Variants in MRPS22 observed in about 807,000 individuals in gnomAD.
The protein encoded by MRPS22 is small ribosomal subunit protein mS22.
In MRPS22, 30 loss-of-function variants were observed where a neutral mutation model predicts 44.0. The observed-to-expected ratio is 0.68, with a 90% CI of 0.51 to 0.93. MRPS22 has a LOEUF of 0.93. MRPS22 is among the 40% of genes least tolerant of loss of function. The pLI is 0.00. For synonymous variants in MRPS22, 165 were observed against 154.4 expected (o/e 1.07, Z -0.51); for missense variants, 447 against 447.8 (o/e 1.00, Z 0.02).
chr3:139,351,293 C>T (rs1941147163), intron 5 of MRPS22: 3 of 507,410 alleles, frequency 5.9e-6, no homozygotes, highest in South Asian at 2.0e-5. Flanking sequence ...CTGAAAGTTG[C>T]ATAGCTACTA....
At chr3:139,349,739 A>G (rs1292793059) in intron 3 of MRPS22, among the ~76,000 whole-genome samples, 3 of 152,342 alleles carry the variant, frequency 2.0e-5, no homozygotes, top group East Asian at 3.9e-4. Context: ...ATAAAAGTGT[A>G]GAAGTAAGAC....
At chr3:139,345,447 T>TG (rs1238180197) in intron 1 of MRPS22, among the ~76,000 whole-genome samples, 2 of 140,596 alleles carry the variant, frequency 1.4e-5, no homozygotes, top group Non-Finnish European at 3.1e-5. Context: ...TGTTTTTTTT[T>TG]TTGTTTTTTT....
Position 139,350,979 on chromosome 3 carries a change from T to A in MRPS22, c.651T>A (p.Thr217=), listed in dbSNP as rs1177107562. 6.2e-7 allele frequency: 1 copy of A among 1,613,816 alleles called. No homozygotes were observed. The highest frequency in any genetic ancestry group is 8.5e-7 in the Non-Finnish European group (1 of 1,179,696). ...CTAACTCTGCTGTGTGGTTTTAGAC[T>A]ATGTATAGCCAGGACAGGCATGTTG... ...PIIFKEENLR[T]MYSQDRHVDV... The change falls in exon 5 of 8, where the codon ACT becomes ACA. Residue 217 remains threonine (T), a splice_region_variant and synonymous_variant. Coordinates refer to ENST00000680020, the MANE Select transcript of MRPS22 (RefSeq NM_020191.4).
At chr3:139,350,531 G>A in intron 4 of MRPS22, 1 of 548,424 alleles carries the variant, frequency 1.8e-6, no homozygotes, top group Non-Finnish European at 3.2e-6. Flanking sequence ...GGTTTCAAGT[G>A]ATTCTTCTGC....
chr3:139,347,028 A>G lies in MRPS22; in HGVS notation c.323A>G (p.Gln108Arg). The G allele has an allele frequency of 6.2e-7, 1 of 1,614,192 alleles. No homozygotes were observed. Among genetic ancestry groups the G allele is most frequent in the Non-Finnish European group, 8.5e-7 (1 of 1,180,018 alleles). ...LKPPTYKLMT[Q>R]AQLEEATRQA... ...CCACCAACCTATAAGCTAATGACTC[A>G]GGCACAGTTGGAAGAGGTACGTGAA... The change falls in exon 2 of 8, where the codon CAG becomes CGG. Residue 108 changes from glutamine to arginine, a missense_variant. Transcript: ENST00000680020.
intron 6 of MRPS22, among the ~76,000 whole-genome samples, chr3:139,355,356 T>C (rs1403425513): frequency 6.6e-6 from 1 of 152,218 alleles, no homozygotes; most frequent in Non-Finnish European, 1.5e-5. Context: ...GGAAATTGTC[T>C]ACCATTAGGA....
chr3:139,346,837 G>T, intron 1 of MRPS22, 41 bp from the exon 2 acceptor site: 1 of 1,609,878 alleles, frequency 6.2e-7, no homozygotes, highest in Admixed American at 1.7e-5. Context: ...TTGTTAGCTT[G>T]TCATTTTTGT....
rs779666310 is a variant in MRPS22, at chr3:139,350,317, C to A, written c.643C>A (p.Leu215Ile). 6.2e-7 allele frequency: 1 copy of A among 1,613,866 alleles called. No homozygotes were observed. Among genetic ancestry groups the A allele is most frequent in the Non-Finnish European group, 8.5e-7 (1 of 1,179,954 alleles). The change falls in exon 4 of 8, where the codon CTT (leucine) becomes ATT (isoleucine). Residue 215 changes from leucine to isoleucine, a missense_variant. Coordinates refer to ENST00000680020, the MANE Select transcript of MRPS22 (RefSeq NM_020191.4). The stretch of plus-strand genomic sequence containing the variant: ...ACCAATAATTTTCAAGGAAGAAAAT[C>A]TTAGGGTAAGGTGACTTAGGTTTTA... ...LTPIIFKEEN[L>I]RTMYSQDRHV...
At chr3:139,356,154 C>A (rs1273058699) in intron 7 of MRPS22, among the ~76,000 whole-genome samples, 2 of 152,176 alleles carry the variant, frequency 1.3e-5, no homozygotes, top group Non-Finnish European at 1.5e-5. Flanking sequence ...CACATGTCCC[C>A]CAGAGCAGCT....
chr3:139,346,915 T>A lies in MRPS22; in HGVS notation c.210T>A (p.Phe70Leu). The A allele has an allele frequency of 6.2e-7, 1 of 1,614,150 alleles. No homozygotes were observed. Among genetic ancestry groups the A allele is most frequent in the South Asian group, 1.1e-5 (1 of 91,080 alleles). Residue 70 changes from phenylalanine to leucine, a missense_variant, in exon 2 of 8, where the codon TTT becomes TTA. By Grantham distance (22) the Phe-to-Leu change is conservative. Coordinates refer to ENST00000680020, the MANE Select transcript of MRPS22 (RefSeq NM_020191.4). ...SGSPETKKPT[F>L]MDEEVQSILT... ...GCCCAGAGACCAAGAAACCTACATT[T>A]ATGGATGAGGAAGTTCAAAGCATAC...
In MRPS22 at chr3:139,355,747, A is replaced by C; in HGVS notation, c.944A>C (p.Gln315Pro). The C allele has an allele frequency of 6.2e-7, 1 of 1,614,168 alleles. No homozygotes were observed. Among genetic ancestry groups the C allele is most frequent in the Non-Finnish European group, 8.5e-7 (1 of 1,180,006 alleles). Residue 315 changes from glutamine to proline, a missense_variant, in exon 7 of 8, where the codon CAA (glutamine) becomes CCA (proline). By Grantham distance (76) the Gln-to-Pro change is moderately conservative. Coordinates refer to ENST00000680020, the MANE Select transcript of MRPS22 (RefSeq NM_020191.4). Reference sequence around the variant, plus strand: ...CTCCATCCAGATGGCCAGTCGGCTCAAGGGGCCAAGGATCAGGCTGCTGAG... The same window carrying C: ...CTCCATCCAGATGGCCAGTCGGCTCCAGGGGCCAAGGATCAGGCTGCTGAG... ...HVLHPDGQSA[Q>P]GAKDQAAEGI...
chr3:139,355,595 T>C, intron 6 of MRPS22, 87 bp from the exon 7 acceptor site: 1 of 1,038,652 alleles, frequency 9.6e-7, no homozygotes, highest in East Asian at 2.5e-5. Context: ...TGAAATGTAA[T>C]TTAGTTTGAA....
intron 5 of MRPS22, 85 bp downstream of exon 5, chr3:139,351,145 AG>A (rs2107789512): frequency 9.8e-7 from 1 of 1,024,920 alleles, no homozygotes; most frequent in Non-Finnish European, 1.5e-6. Context: ...TTTCGTTGTA[AG>A]TTTTGATACA....
Position 139,346,906 on chromosome 3 carries a change from A to G in MRPS22, c.201A>G (p.Lys67=), listed in dbSNP as rs11556243. The G allele has an allele frequency of 8.7e-3, 14,092 of 1,614,124 alleles. 94 individuals are homozygous for G. Among genetic ancestry groups the G allele is most frequent in the Middle Eastern group, 0.013 (79 of 6,062 alleles). Reference sequence around the variant, plus strand: ...AATCTGGTAGCCCAGAGACCAAGAAACCTACATTTATGGATGAGGAAGTTC... The same window carrying G: ...AATCTGGTAGCCCAGAGACCAAGAAGCCTACATTTATGGATGAGGAAGTTC... ...AAESGSPETK[K]PTFMDEEVQS... The change falls in exon 2 of 8, where the codon AAA becomes AAG. Residue 67 remains lysine (K), a synonymous_variant. Coordinates refer to ENST00000680020, the MANE Select transcript of MRPS22 (RefSeq NM_020191.4).
chr3:139,354,586 T>C (rs1322428527), intron 6 of MRPS22, among the ~76,000 whole-genome samples: 1 of 152,182 alleles, frequency 6.6e-6, no homozygotes, highest in Non-Finnish European at 1.5e-5. Flanking sequence ...CAGCTCTGTT[T>C]TCCTGAGAGA....
rs755944286 is a variant in MRPS22 at position 139,352,712 on chromosome 3, A to G, written c.798A>G (p.Arg266=). Residue 266 remains arginine (R), a synonymous_variant, in exon 6 of 8, where the codon AGA becomes AGG. Transcript: ENST00000680020. ...AATATGACCTTTTACGTTCAACAAG[A>G]TACTTTGGTGGAATGGTGTGGTATT... ...RGKYDLLRST[R]YFGGMVWYFV... 3.7e-6 allele frequency: 6 copies of G among 1,613,610 alleles called. No homozygotes were observed. Among genetic ancestry groups the G allele is most frequent in the African/African-American group, 1.3e-5 (1 of 75,058 alleles).
At chr3:139,349,299 G>C in intron 3 of MRPS22, 1 of 443,454 alleles carries the variant, frequency 2.3e-6, no homozygotes, top group Non-Finnish European at 4.5e-6. Context: ...TATTATGTTG[G>C]CATGTGCTTT....
chr3:139,355,809 ATTGG>A lies in MRPS22; in HGVS notation c.987+23_987+26del. On this transcript the variant is annotated intron_variant, in intron 7 of 7. Coordinates refer to ENST00000680020, the MANE Select transcript of MRPS22 (RefSeq NM_020191.4). Reference sequence around the variant, plus strand: ...AATCAAGGTAAAGTTTTTTTTTCATATTGGTTGTTTTGTGGTGGTAATTGAGCTG... The same window carrying A: ...AATCAAGGTAAAGTTTTTTTTTCATATTGTTTTGTGGTGGTAATTGAGCTG... 1.9e-6 allele frequency: 3 copies of A among 1,587,278 alleles called. No homozygotes were observed. The highest frequency in any genetic ancestry group is 2.6e-6 in the Non-Finnish European group (3 of 1,156,238).
chr3:139,355,478 G>A (rs1379996237), intron 6 of MRPS22: 3 of 595,262 alleles, frequency 5.0e-6, no homozygotes, highest in African/African-American at 3.7e-5. Context: ...TGCCCTAGCT[G>A]CCTCACGGAG....
Sources: allele counts gnomAD v4.1 joint callset (sites outside exome capture counted in the v4.1 genomes callset), GRCh38; gene constraint gnomAD v4.1.1; transcripts MANE v1.5; gene names NCBI Gene and HGNC (gene_info 2026-07-23, HGNC 2026-07-21).